ALDH1L2: variants seen among roughly 807,000 people sequenced by gnomAD.
ALDH1L2 encodes the protein mitochondrial 10-formyltetrahydrofolate dehydrogenase.
A neutral mutation model predicts 111.0 loss-of-function variants in ALDH1L2; 91 were observed. The observed-to-expected ratio is 0.82, with a 90% CI of 0.69 to 0.98. The LOEUF (loss-of-function observed/expected upper bound fraction) is 0.98, where lower values mean the gene tolerates loss of function less well. ALDH1L2 is among the 50% of genes least tolerant of loss of function. The pLI is 0.00. For missense variants in ALDH1L2, 995 were observed against 1,126.8 expected (o/e 0.88, Z 1.67); for synonymous variants, 374 against 392.6 (o/e 0.95, Z 0.56).
At chr12:105,052,291 A>G (rs895534295) in intron 11 of ALDH1L2, 74 bp from the exon 12 acceptor site, 17 of 1,377,394 alleles carry the variant, frequency 1.2e-5, no homozygotes, top group Non-Finnish European at 1.6e-5. Flanking sequence ...TATTGTATTA[A>G]TAGAAAAAAT....
rs778116831 is a variant in ALDH1L2 at position 105,058,117 on chromosome 12, T to G, written c.1243A>C (p.Lys415Gln). The G allele has an allele frequency of 1.4e-5, 23 of 1,613,330 alleles. No individual in the cohort carries two copies. The highest frequency in any genetic ancestry group is 1.9e-5 in the Non-Finnish European group (22 of 1,179,748). The change falls in exon 10 of 23, where the codon AAA becomes CAA. Residue 415 changes from lysine to glutamine, a missense_variant. Lys to Gln is a moderately conservative substitution (Grantham distance 53). Coordinates refer to ENST00000258494, the MANE Select transcript of ALDH1L2 (RefSeq NM_001034173.4). ...FEGFIQKVVR[K>Q]LRGEDQEVEL... Reference sequence around the variant, plus strand: ...ACCTCTTGATCTTCTCCTCTCAGTTTCCTCACGACCTTTTGGATAAAGCCT... The same window carrying G: ...ACCTCTTGATCTTCTCCTCTCAGTTGCCTCACGACCTTTTGGATAAAGCCT...
chr12:105,051,115 C>T (rs929454831), intron 12 of ALDH1L2, among the ~76,000 whole-genome samples: 10 of 152,204 alleles, frequency 6.6e-5, no homozygotes, highest in African/African-American at 2.4e-4. Flanking sequence ...CTATTCCTTA[C>T]ACATCAAGTG....
At chr12:105,031,970 T>G (rs1294990820) in intron 19 of ALDH1L2, 36 bp from the exon 20 acceptor site, 3 of 1,602,252 alleles carry the variant, frequency 1.9e-6, no homozygotes, top group Non-Finnish European at 2.6e-6. Context: ...CACAATTCAC[T>G]GTTAATAATA....
At chr12:105,038,257 C>G (rs1211563443) in intron 17 of ALDH1L2, 55 bp from the exon 18 acceptor site, 4 of 729,402 alleles carry the variant, frequency 5.5e-6, no homozygotes, top group Non-Finnish European at 6.6e-6. Flanking sequence ...CTCTCTCTCT[C>G]TCTCACACAC....
chr12:105,040,317 T>TTAC (rs1875456119), intron 16 of ALDH1L2, among the ~76,000 whole-genome samples: 1 of 151,998 alleles, frequency 6.6e-6, no homozygotes, highest in Non-Finnish European at 1.5e-5. Context: ...TAATGATGGG[T>TTAC]AAGCCTTGAT....
At chr12:105,065,457 G>A in intron 5 of ALDH1L2, 101 bp from the exon 6 acceptor site, 1 of 922,816 alleles carries the variant, frequency 1.1e-6, no homozygotes, top group Non-Finnish European at 1.7e-6. Flanking sequence ...TTGTTATTGG[G>A]AAATAAAGGA....
At chr12:105,047,252 T>A (rs1381567765) in intron 13 of ALDH1L2, among the ~76,000 whole-genome samples, 1 of 152,168 alleles carries the variant, frequency 6.6e-6, no homozygotes, top group Non-Finnish European at 1.5e-5. Flanking sequence ...CTCCCCTCTG[T>A]CCTTAGTAAC....
At chr12:105,039,915 G>A in intron 16 of ALDH1L2, 109 bp from the exon 17 acceptor site, 1 of 891,986 alleles carries the variant, frequency 1.1e-6, no homozygotes, top group Non-Finnish European at 1.8e-6. Context: ...CAGATCACAA[G>A]GTCAGGAGAT....
Position 105,021,729 on chromosome 12 carries a change from T to C in ALDH1L2, c.*2695A>G, listed in dbSNP as rs1323070288. ...GGTCTTTCATACAGGAGGCCCTTAA[T>C]AAATGGTAGCTGTCATATCGTATTA... On this transcript the variant is annotated 3_prime_UTR_variant, in exon 23 of 23. Transcript: ENST00000258494. The C allele has an allele frequency of 6.6e-6, 1 of 152,184 alleles. No homozygotes were observed. The highest frequency in any genetic ancestry group is 1.5e-5 in the Non-Finnish European group (1 of 68,026). The allele number at this position is 152,184 out of a possible 1,614,324, so 9.4% of individuals were successfully genotyped here.
At chr12:105,025,900 C>A (rs925958594) in intron 22 of ALDH1L2, among the ~76,000 whole-genome samples, 6 of 152,124 alleles carry the variant, frequency 3.9e-5, no homozygotes, top group African/African-American at 1.4e-4. Context: ...AATAATAGTA[C>A]CTATTCCTCT....
chr12:105,077,905 A>G (rs1486112502), intron 1 of ALDH1L2, among the ~76,000 whole-genome samples: 2 of 152,192 alleles, frequency 1.3e-5, no homozygotes, highest in Non-Finnish European at 2.9e-5. Flanking sequence ...TGGCAGTTTC[A>G]CACAGAGGAC....
chr12:105,049,038 G>GAA (rs906299799), intron 13 of ALDH1L2, among the ~76,000 whole-genome samples: 6 of 133,012 alleles, frequency 4.5e-5, no homozygotes, highest in Non-Finnish European at 1.0e-4. Flanking sequence ...TCAAAAGAAA[G>GAA]AAAAAAAAAT....
At chr12:105,045,519 T>C (rs1194295536) in intron 15 of ALDH1L2, among the ~76,000 whole-genome samples, 1 of 151,966 alleles carries the variant, frequency 6.6e-6, no homozygotes, top group African/African-American at 2.4e-5. Context: ...AATATACACA[T>C]ATATATGTAG....
In ALDH1L2 at chr12:105,061,045, C is replaced by G. The variant is rs770628106; in HGVS notation, c.1075G>C (p.Val359Leu). The change falls in exon 9 of 23, where the codon GTC becomes CTC. Residue 359 changes from valine to leucine, a missense_variant. By Grantham distance (32) the Val-to-Leu change is conservative (BLOSUM62 1). Transcript: ENST00000258494. ...KVIWAGILSNVPIIEDSTDFF... is the reference protein window; with the variant it reads ...KVIWAGILSNLPIIEDSTDFF... ...TCTGTTGAGTCTTCAATAATGGGGA[C>G]ATTGCTTAAAATTCCAGCCCAGATG... The G allele has an allele frequency of 6.2e-7, 1 of 1,613,894 alleles. No individual in the cohort carries two copies. The highest frequency in any genetic ancestry group is 8.5e-7 in the Non-Finnish European group (1 of 1,179,902).
At position 105,060,976 on chromosome 12, in the gene ALDH1L2, T is replaced by C; in HGVS notation, c.1139+5A>G. 1 of 1,613,554 alleles carries C rather than the reference T, an allele frequency of 6.2e-7. No homozygotes were observed. Among genetic ancestry groups the C allele is most frequent in the Non-Finnish European group, 8.5e-7 (1 of 1,179,512 alleles). ...CCTAGTGAGTCAATAAGGGCGTGGT[T>C]TTACCTGGCAACATCCATTGAGCTT... On this transcript the variant is annotated splice_donor_5th_base_variant and intron_variant, in intron 9 of 22. Coordinates refer to ENST00000258494, the MANE Select transcript of ALDH1L2 (RefSeq NM_001034173.4).
intron 3 of ALDH1L2, 34 bp from the exon 4 acceptor site, chr12:105,068,918 G>A: frequency 6.8e-7 from 1 of 1,479,060 alleles, no homozygotes; most frequent in Non-Finnish European, 9.0e-7. Context: ...TAAAATGTTG[G>A]TTAACTGTAT....
chr12:105,032,950 G>A (rs1874788282), intron 19 of ALDH1L2, among the ~76,000 whole-genome samples: 1 of 152,062 alleles, frequency 6.6e-6, no homozygotes, highest in Non-Finnish European at 1.5e-5. Flanking sequence ...TTTACTGCAC[G>A]ATGTTCATCA....
At chr12:105,060,019 T>G (rs548605687) in intron 9 of ALDH1L2, among the ~76,000 whole-genome samples, 13 of 152,218 alleles carry the variant, frequency 8.5e-5, no homozygotes, top group Admixed American at 2.0e-4. Flanking sequence ...CCTGGTCCAG[T>G]TTCCTTGCGA....
rs767851504 is a variant in ALDH1L2 at position 105,066,556 on chromosome 12, A to T, written c.696+12T>A. 1.6e-5 allele frequency: 25 copies of T among 1,607,416 alleles called. No individual in the cohort carries two copies. In the Middle Eastern group the frequency reaches 6.6e-4, roughly 42 times the overall value. Reference sequence around the variant, plus strand: ...AACTCTGAGACGTGTTATTGAGTTGATATATAAATACCTCAGCATTTTCCT... The same window carrying T: ...AACTCTGAGACGTGTTATTGAGTTGTTATATAAATACCTCAGCATTTTCCT... On this transcript the variant is annotated intron_variant, in intron 5 of 22. Coordinates refer to ENST00000258494, the MANE Select transcript of ALDH1L2 (RefSeq NM_001034173.4).
Sources: allele counts gnomAD v4.1 joint callset (sites outside exome capture counted in the v4.1 genomes callset), GRCh38; gene constraint gnomAD v4.1.1; transcripts MANE v1.5; gene names NCBI Gene and HGNC (gene_info 2026-07-23, HGNC 2026-07-21).